Variants in POLRMT observed in about 807,000 individuals in gnomAD.
The protein encoded by POLRMT is RNA polymerase mitochondrial, also known as DNA-directed RNA polymerase, mitochondrial.
In POLRMT, 114 loss-of-function variants were observed where a neutral mutation model predicts 132.2. The ratio of observed to expected loss-of-function variants is 0.86; its 90% confidence interval spans 0.74 to 1.01. The LOEUF is 1.01. POLRMT is among the 50% of genes least tolerant of loss of function. The pLI is 0.00. For synonymous variants in POLRMT, 1,020 were observed against 773.4 expected (o/e 1.32, Z -5.29); for missense variants, 2,003 against 1,729.1 (o/e 1.16, Z -2.81).
intron 2 of POLRMT, among the ~76,000 whole-genome samples, chr19:632,465 C>G (rs536310770): frequency 2.4e-4 from 37 of 152,128 alleles, no homozygotes; most frequent in Middle Eastern, 3.4e-3. Context: ...CCCCCCAGAG[C>G]CAAGCCAGGA....
At position 619,070 on chromosome 19, in the gene POLRMT, C is replaced by T; in HGVS notation, c.3194G>A (p.Gly1065Asp). The change falls in exon 15 of 21, where the codon GGC becomes GAC. Residue 1065 changes from glycine to aspartate, a missense_variant. Transcript: ENST00000588649. ...TESARLISHM[G>D]SVVEWVTPLG... ...GGGTGTGACCCACTCCACCACAGAG[C>T]CCATGTGGGAGATGAGGCGGGCACT... 1 of 1,610,412 alleles carries T rather than the reference C, an allele frequency of 6.2e-7. No homozygotes were observed. Among genetic ancestry groups the T allele is most frequent in the Non-Finnish European group, 8.5e-7 (1 of 1,178,844 alleles).
rs1984658690 is a variant in POLRMT at position 622,131 on chromosome 19, G to A, written c.1851+18C>T. 4 of 1,529,932 alleles carry A rather than the reference G, an allele frequency of 2.6e-6. No homozygotes were observed. The highest frequency in any genetic ancestry group is 2.4e-5 in the South Asian group (2 of 83,780). 94.8% of individuals were successfully genotyped at this position (1,529,932 alleles called of 1,614,324 possible). ...CCCAGCGGGATGCCCCCCAGCTCAG[G>A]AGGGCACTGCCTGGCACCTGCTGGA... On this transcript the variant is annotated intron_variant, in intron 9 of 20. Coordinates refer to ENST00000588649, the MANE Select transcript of POLRMT (RefSeq NM_005035.4).
intron 8 of POLRMT, 44 bp from the exon 9 acceptor site, chr19:622,417 A>G (rs984358007): frequency 6.3e-5 from 94 of 1,502,764 alleles, no homozygotes; most frequent in Non-Finnish European, 8.0e-5. Flanking sequence ...GGGGCCCCTG[A>G]GCTAGATGCC....
chr19:631,544 CAGG>C (rs1458360749), intron 2 of POLRMT, among the ~76,000 whole-genome samples: 4 of 151,830 alleles, frequency 2.6e-5, no homozygotes, highest in Non-Finnish European at 5.9e-5. Context: ...GAGGTTGAGG[CAGG>C]AGAATTGCTT....
rs760730330 is a variant in POLRMT at position 619,128 on chromosome 19, T to C, written c.3154-18A>G. ...AGCCAGTGCTGTGGGACACAGGCCG[T>C]CTCAGGGCAGGGGGCTCAGGCCGGG... On this transcript the variant is annotated intron_variant, in intron 14 of 20. Coordinates refer to ENST00000588649, the MANE Select transcript of POLRMT (RefSeq NM_005035.4). 4 of 1,610,572 alleles carry C rather than the reference T, an allele frequency of 2.5e-6. No individual in the cohort carries two copies. The South Asian group carries it at 4.4e-5, about 18-fold the overall frequency.
chr19:626,696 C>CAAAAAAAAAAAAAAAAAAAAAAAA (rs59746130), intron 3 of POLRMT, among the ~76,000 whole-genome samples: 7 of 105,018 alleles, frequency 6.7e-5, no homozygotes, highest in African/African-American at 3.0e-4. Flanking sequence ...ACTAAAAATA[C>CAAAAAAAAAAAAAAAAAAAAAAAA]AAAAAAAAAA....
chr19:633,462 T>C lies in POLRMT; in HGVS notation c.51A>G (p.Leu17=), dbSNP rs368086471. 67 of 1,563,498 alleles carry C rather than the reference T, an allele frequency of 4.3e-5. No homozygotes were observed. In the African/African-American group the frequency reaches 6.2e-4, roughly 15 times the overall value. The change falls in exon 1 of 21, where the codon CTA becomes CTG. Residue 17 remains leucine, a synonymous_variant. Coordinates refer to ENST00000588649, the MANE Select transcript of POLRMT (RefSeq NM_005035.4). The part of the protein sequence containing the change: ...GRGAAGLKRA[L]RPCGRPGLPG... ...GGAGTCCCGGGCGGCCGCAAGGCCG[T>C]AGGGCTCGTTTGAGCCCCGCCGCTC...
chr19:622,094 G>A (rs938936675), intron 9 of POLRMT, 55 bp downstream of exon 9: 31 of 1,456,986 alleles, frequency 2.1e-5, no homozygotes, highest in Non-Finnish European at 2.7e-5. Flanking sequence ...ACCCCATGGG[G>A]TCCCTGGTCC....
Position 629,768 on chromosome 19 carries a change from G to T in POLRMT, c.594C>A (p.Ala198=). 6.4e-7 allele frequency: 1 copy of T among 1,569,642 alleles called. No individual in the cohort carries two copies. Among genetic ancestry groups the T allele is most frequent in the Admixed American group, 1.9e-5 (1 of 53,814 alleles). The change falls in exon 3 of 21, where the codon GCC becomes GCA. Residue 198 remains alanine (A), a synonymous_variant. Coordinates refer to ENST00000588649, the MANE Select transcript of POLRMT (RefSeq NM_005035.4). ...CCACATCGAGGCTCAGCTTCCCAGG[G>T]GCCTCCTGCAGCAGCCGGGCCAGCT... is the stretch of plus-strand genomic sequence containing the variant. ...EEQLARLLQE[A]PGKLSLDVEQ...
At chr19:624,627 C>A in intron 5 of POLRMT, 92 bp downstream of exon 5, 1 of 1,407,158 alleles carries the variant, frequency 7.1e-7, no homozygotes, top group Non-Finnish European at 9.6e-7. Flanking sequence ...GCCCTGGGCA[C>A]CGGGGAGGCC....
rs1211736230 is a variant in POLRMT, at chr19:618,354, G to T, written c.3422+134C>A. 12 of 697,762 alleles carry T rather than the reference G, an allele frequency of 1.7e-5. No homozygotes were observed. The Admixed American group carries it at 2.9e-4, about 17-fold the overall frequency. The allele number at this position is 697,762 out of a possible 1,614,324, so 43.2% of individuals were successfully genotyped here. The stretch of plus-strand genomic sequence containing the variant: ...CACACAGCCTCAGGGCCTCTACACA[G>T]GCCCCACAGACACAGCAGATCCACT... On this transcript the variant is annotated intron_variant, in intron 17 of 20. Transcript: ENST00000588649.
intron 5 of POLRMT, 92 bp from the exon 6 acceptor site, chr19:623,695 C>G: frequency 6.9e-7 from 1 of 1,452,528 alleles, no homozygotes; most frequent in East Asian, 2.3e-5. Context: ...CGCGTTTCTG[C>G]GTCTCCTGCA....
chr19:618,015 T>G (rs1401211025), intron 17 of POLRMT, 166 bp from the exon 18 acceptor site: 1 of 563,614 alleles, frequency 1.8e-6, no homozygotes, highest in East Asian at 3.1e-5. Flanking sequence ...ACATCCTGGG[T>G]TAGGTATCAG....
chr19:630,819 A>C (rs954394662), intron 2 of POLRMT, among the ~76,000 whole-genome samples: 1 of 152,256 alleles, frequency 6.6e-6, no homozygotes, highest in African/African-American at 2.4e-5. Context: ...TTGCCAACCA[A>C]TCAATGCCTA....
rs766593442 is a variant in POLRMT at position 619,961 on chromosome 19, C to T, written c.2883G>A (p.Ala961=). 5.6e-6 allele frequency: 9 copies of T among 1,601,474 alleles called. No homozygotes were observed. In the South Asian group the frequency reaches 6.6e-5, roughly 12 times the overall value. The change falls in exon 12 of 21, where the codon GCG becomes GCA. Residue 961 remains alanine, a synonymous_variant. Transcript: ENST00000588649. The part of the protein sequence containing the change: ...VPQDVYSGVA[A]QVEVFRRQDA... The stretch of plus-strand genomic sequence containing the variant: ...CGGGCAGCAGGGCACACCCTACCTG[C>T]GCGGCCACGCCGCTGTACACGTCCT...
At position 624,914 on chromosome 19, in the gene POLRMT, C is replaced by T. The variant is rs1194295474; in HGVS notation, c.954-9G>A. 3.1e-6 allele frequency: 5 copies of T among 1,599,004 alleles called. No individual in the cohort carries two copies. Among genetic ancestry groups the T allele is most frequent in the Admixed American group, 1.7e-5 (1 of 59,382 alleles). ...TCATCTGTTCCAGACACCTGTGGTG[C>T]AGGCGGCCTGCTCGAGGGACGGGCC... On this transcript the variant is annotated splice_polypyrimidine_tract_variant and intron_variant, in intron 4 of 20. Coordinates refer to ENST00000588649, the MANE Select transcript of POLRMT (RefSeq NM_005035.4).
chr19:632,003 G>C (rs1367013194), intron 2 of POLRMT, among the ~76,000 whole-genome samples: 2 of 152,004 alleles, frequency 1.3e-5, no homozygotes, highest in East Asian at 1.9e-4. Flanking sequence ...TTGAACTCAT[G>C]ACCTCTTGAT....
intron 13 of POLRMT, 97 bp downstream of exon 13, chr19:619,489 C>T: frequency 1.3e-6 from 2 of 1,508,734 alleles, no homozygotes; most frequent in South Asian, 1.2e-5. Flanking sequence ...GGGGAGCAGC[C>T]AGGGCTCCTG....
intron 3 of POLRMT, among the ~76,000 whole-genome samples, chr19:628,631 T>TGGG (rs34236901): frequency 1.3e-5 from 2 of 150,888 alleles, no homozygotes; most frequent in Admixed American, 6.6e-5. Context: ...TGAAGGATCA[T>TGGG]GGGGGGGGAG....
Sources: allele counts gnomAD v4.1 joint callset (sites outside exome capture counted in the v4.1 genomes callset), GRCh38; gene constraint gnomAD v4.1.1; transcripts MANE v1.5; gene names NCBI Gene and HGNC (gene_info 2026-07-23, HGNC 2026-07-21).